The following LPP variants were observed in gnomAD, a reference collection of about 807,000 sequenced individuals.
The protein encoded by LPP is lipoma-preferred partner.
Under a neutral mutation model 60.4 loss-of-function variants are expected in LPP, and 38 were observed. The ratio of observed to expected loss-of-function variants is 0.63; its 90% CI spans 0.49 to 0.83. LPP has a LOEUF of 0.83. Ranked by LOEUF, LPP falls within the 40% of genes least tolerant of loss-of-function variation. The pLI is 0.00. For synonymous variants in LPP, 328 were observed against 290.8 expected, an observed-to-expected ratio of 1.13 and a Z score of -1.30; for missense variants, 902 against 783.6, an observed-to-expected ratio of 1.15 and a Z score of -1.80.
intron 3 of LPP, among the ~76,000 whole-genome samples, chr3:188,383,252 T>C (rs1267062591): frequency 6.6e-6 from 1 of 152,226 alleles, no homozygotes; most frequent in Non-Finnish European, 1.5e-5. Context: ...TATCCTGTTA[T>C]GGTACATTTG....
chr3:188,462,544 T>TATATATATAAATATA lies in LPP; in HGVS notation c.194-22048_194-22047insATATATATAAATATA, dbSNP rs1799236891. On this transcript the variant is annotated intron_variant, in intron 4 of 11. Transcript: ENST00000617246. ...TAAATTTAGCCAATTTATATGAGCT[T>TATATATATAAATATA]TATATATATATATATATATATATAT... Among the ~76,000 whole-genome samples, 69 of 34,206 alleles carry TATATATATAAATATA rather than the reference T, an allele frequency of 2.0e-3. 1 individual carries two copies. Among genetic ancestry groups the TATATATATAAATATA allele is most frequent in the Middle Eastern group, 0.024 (1 of 42 alleles). 22.4% of individuals were successfully genotyped at this position (34,206 alleles called of 152,430 possible).
chr3:188,288,605 T>G (rs1744818267), intron 2 of LPP, among the ~76,000 whole-genome samples: 3 of 140,550 alleles, frequency 2.1e-5, no homozygotes, highest in Non-Finnish European at 4.7e-5. Flanking sequence ...TACACACAGA[T>G]CTGTGTATCT....
chr3:188,375,209 A>G (rs1456818353), intron 3 of LPP, among the ~76,000 whole-genome samples: 1 of 152,156 alleles, frequency 6.6e-6, no homozygotes, highest in Non-Finnish European at 1.5e-5. Flanking sequence ...TATCAGGATG[A>G]TGCTGGCCTC....
intron 7 of LPP, among the ~76,000 whole-genome samples, chr3:188,706,084 A>G (rs1018352200): frequency 6.6e-6 from 1 of 152,240 alleles, no homozygotes; most frequent in Non-Finnish European, 1.5e-5. Context: ...AATAAACAAA[A>G]GAATAACTGA....
chr3:188,811,351 T>TACACACACACACAC (rs58445393), intron 9 of LPP, among the ~76,000 whole-genome samples: 7 of 144,882 alleles, frequency 4.8e-5, no homozygotes, highest in African/African-American at 1.0e-4. Flanking sequence ...AAGTGCTGTA[T>TACACACACACACAC]ACACACACAC....
chr3:188,379,975 AT>A (rs139382987), intron 3 of LPP, among the ~76,000 whole-genome samples: 3,892 of 152,250 alleles, frequency 0.026, 53 homozygotes, highest in South Asian at 0.048. Context: ...GAGATTATGA[AT>A]GCTTGGACTT....
chr3:188,180,561 G>A (rs76675548), intron 1 of LPP: 1 of 154,326 alleles, frequency 6.5e-6, no homozygotes, highest in Non-Finnish European at 1.5e-5. Context: ...TATAAGTGTA[G>A]GACCTAGTCA....
At chr3:188,183,303 T>C (rs1725660064) in intron 1 of LPP, among the ~76,000 whole-genome samples, 6 of 152,182 alleles carry the variant, frequency 3.9e-5, no homozygotes, top group Admixed American at 3.9e-4. Context: ...TTGAAGAGGC[T>C]TGAGACATTG....
intron 3 of LPP, among the ~76,000 whole-genome samples, chr3:188,366,611 T>G (rs1771248367): frequency 6.6e-6 from 1 of 152,190 alleles, no homozygotes; most frequent in Non-Finnish European, 1.5e-5. Flanking sequence ...TTTAGAAGTT[T>G]CTGAGAGGGA....
intron 9 of LPP, among the ~76,000 whole-genome samples, chr3:188,820,241 G>A (rs1047619770): frequency 6.6e-6 from 1 of 151,828 alleles, no homozygotes; most frequent in Non-Finnish European, 1.5e-5. Context: ...TATACTCCCT[G>A]ATATGTTTTG....
chr3:188,571,623 T>G (rs2150852279), intron 6 of LPP, among the ~76,000 whole-genome samples: 1 of 152,116 alleles, frequency 6.6e-6, no homozygotes, highest in African/African-American at 2.4e-5. Flanking sequence ...AGTAAACAAA[T>G]AAATAATAAA....
chr3:188,353,849 G>C (rs1346703066), intron 3 of LPP, among the ~76,000 whole-genome samples: 1 of 152,060 alleles, frequency 6.6e-6, no homozygotes, highest in Non-Finnish European at 1.5e-5. Context: ...CCTTGAACTA[G>C]TTTGTAAGAC....
chr3:188,812,114 G>A (rs943704107), intron 9 of LPP, among the ~76,000 whole-genome samples: 1 of 152,096 alleles, frequency 6.6e-6, no homozygotes, highest in African/African-American at 2.4e-5. Context: ...TCAAGGTTGA[G>A]TACGTTTATA....
intron 7 of LPP, among the ~76,000 whole-genome samples, chr3:188,659,805 C>T (rs1026869324): frequency 1.6e-5 from 2 of 122,458 alleles, no homozygotes; most frequent in African/African-American, 7.3e-5. Context: ...GGGGTTAGAT[C>T]CTATGCACAC....
At chr3:188,832,324 C>T (rs997718383) in intron 9 of LPP, among the ~76,000 whole-genome samples, 1 of 152,140 alleles carries the variant, frequency 6.6e-6, no homozygotes, top group African/African-American at 2.4e-5. Context: ...AGGACAGCTT[C>T]CAGCAGACAG....
intron 5 of LPP, among the ~76,000 whole-genome samples, chr3:188,515,363 G>C (rs6807693): frequency 0.48 from 73,496 of 152,012 alleles, 18,478 homozygotes; most frequent in East Asian, 0.67. Context: ...AGCTTCCTGA[G>C]GCTCTCATCA....
chr3:188,392,911 T>C lies in LPP; in HGVS notation c.-9-13201T>C, dbSNP rs147828171. Among the ~76,000 whole-genome samples, 903 of 152,312 alleles carry C rather than the reference T, an allele frequency of 5.9e-3. 7 individuals are homozygous for C. Among genetic ancestry groups the C allele is most frequent in the African/African-American group, 0.02 (845 of 41,556 alleles). On this transcript the variant is annotated intron_variant, in intron 3 of 11. Coordinates refer to ENST00000617246, the MANE Select transcript of LPP (RefSeq NM_001375462.1). The stretch of plus-strand genomic sequence containing the variant: ...AAATGTTGAGCCTTCACTGAATTCT[T>C]CTGACTTTTCCCTCAACTCTGTGTA...
At chr3:188,735,126 A>G (rs1473648809) in intron 8 of LPP, among the ~76,000 whole-genome samples, 1 of 152,090 alleles carries the variant, frequency 6.6e-6, no homozygotes, top group African/African-American at 2.4e-5. Flanking sequence ...ATCTGCCTGT[A>G]TAATACATCA....
At chr3:188,565,343 T>G (rs568853974) in intron 6 of LPP, among the ~76,000 whole-genome samples, 1 of 152,122 alleles carries the variant, frequency 6.6e-6, no homozygotes, top group African/African-American at 2.4e-5. Context: ...AGGCTGGGAC[T>G]TCACCCCAGA....
Sources: gnomAD v4.1 joint callset for allele counts (sites outside exome capture counted in the v4.1 genomes callset) on GRCh38, gnomAD v4.1.1 for gene constraint, MANE v1.5 for transcripts, NCBI Gene and HGNC (gene_info 2026-07-23, HGNC 2026-07-21) for gene names.